PPP1R12A: variants seen among roughly 807,000 people sequenced by gnomAD.
The protein encoded by PPP1R12A is protein phosphatase 1 regulatory subunit 12A.
Under a neutral mutation model 139.6 loss-of-function variants are expected in PPP1R12A, and 19 were observed. That is an observed-to-expected ratio of 0.14 (90% CI 0.09 to 0.20). The LOEUF (loss-of-function observed/expected upper bound fraction) is 0.20. PPP1R12A is among the 10% of genes least tolerant of loss of function. PPP1R12A has a pLI of 1.00. For synonymous variants in PPP1R12A, 427 were observed against 420.6 expected, an observed-to-expected ratio of 1.02 and a Z score of -0.19; for missense variants, 925 against 1,211.5, an observed-to-expected ratio of 0.76 and a Z score of 3.51.
intron 9 of PPP1R12A, among the ~76,000 whole-genome samples, chr12:79,811,065 A>T (rs2694665): frequency 0.21 from 31,644 of 152,062 alleles, 5,883 homozygotes; most frequent in African/African-American, 0.49. Flanking sequence ...ACTTCTAGAA[A>T]TTCTATACTC....
intron 1 of PPP1R12A, among the ~76,000 whole-genome samples, chr12:79,925,020 C>T (rs1887724296): frequency 6.6e-6 from 1 of 151,834 alleles, no homozygotes; most frequent in South Asian, 2.1e-4. Flanking sequence ...GATGCATCTT[C>T]GAATGATATC....
chr12:79,793,762 T>G, intron 19 of PPP1R12A, 101 bp downstream of exon 19: 1 of 856,938 alleles, frequency 1.2e-6, no homozygotes, highest in South Asian at 1.6e-5. Flanking sequence ...AGGTAGAGTA[T>G]GCAATAACTG....
chr12:79,927,741 T>C (rs890267124), intron 1 of PPP1R12A, among the ~76,000 whole-genome samples: 4 of 152,238 alleles, frequency 2.6e-5, no homozygotes, highest in African/African-American at 9.6e-5. Context: ...AATTAAACTA[T>C]TGTTTGGAAA....
At chr12:79,861,784 T>C (rs1374078335) in intron 2 of PPP1R12A, among the ~76,000 whole-genome samples, 4 of 152,026 alleles carry the variant, frequency 2.6e-5, no homozygotes, top group Non-Finnish European at 4.4e-5. Context: ...CTTGAGTAGG[T>C]GGTTCTAGGC....
At chr12:79,913,601 T>G (rs200080293) in intron 1 of PPP1R12A, among the ~76,000 whole-genome samples, 2 of 152,316 alleles carry the variant, frequency 1.3e-5, no homozygotes, top group East Asian at 3.9e-4. Context: ...TTAATGTCCA[T>G]CAGAGTCGGT....
intron 2 of PPP1R12A, among the ~76,000 whole-genome samples, chr12:79,855,757 G>A (rs1335509262): frequency 6.6e-6 from 1 of 151,298 alleles, no homozygotes; most frequent in Non-Finnish European, 1.5e-5. Context: ...ACTACAAATA[G>A]CCTCCCATCA....
In PPP1R12A at chr12:79,896,971, A is replaced by G. The variant is rs777938105; in HGVS notation, c.238-24033T>C. ...CCTCGTTGAGGTGGAGATTAAGAGA[A>G]TAAGTTTCAAGAAGGCTTCCTAAAG... On this transcript the variant is annotated intron_variant, in intron 1 of 24. Transcript: ENST00000450142. Among the ~76,000 whole-genome samples the G allele has an allele frequency of 3.9e-5, 6 of 152,222 alleles. 1 individual carries two copies. Among genetic ancestry groups the G allele is most frequent in the Non-Finnish European group, 8.8e-5 (6 of 68,036 alleles).
intron 2 of PPP1R12A, among the ~76,000 whole-genome samples, chr12:79,860,370 T>C (rs923879552): frequency 1.8e-4 from 27 of 152,214 alleles, no homozygotes; most frequent in African/African-American, 6.5e-4. Context: ...CATTCATTGG[T>C]CAATTAAGAG....
At chr12:79,795,533 A>G in intron 18 of PPP1R12A, 105 bp downstream of exon 18, 1 of 1,178,644 alleles carries the variant, frequency 8.5e-7, no homozygotes, top group Non-Finnish European at 1.2e-6. Flanking sequence ...TGATTTAAGG[A>G]ATATGAAATC....
rs117555666 is a variant in PPP1R12A at position 79,840,126 on chromosome 12, G to A, written c.487+5176C>T. Among the ~76,000 whole-genome samples the A allele has an allele frequency of 3.2e-3, 487 of 152,270 alleles. 1 individual carries two copies. Among genetic ancestry groups the A allele is most frequent in the Admixed American group, 5.9e-3 (90 of 15,298 alleles). On this transcript the variant is annotated intron_variant, in intron 3 of 24. Transcript: ENST00000450142. Reference sequence around the variant, plus strand: ...GATATCTGTCTTACTGTTTAGGACAGACCTATAGCACTACCACTTCCTACC... The same window carrying A: ...GATATCTGTCTTACTGTTTAGGACAAACCTATAGCACTACCACTTCCTACC...
intron 3 of PPP1R12A, among the ~76,000 whole-genome samples, chr12:79,844,228 C>T (rs1879125736): frequency 6.6e-6 from 1 of 152,056 alleles, no homozygotes; most frequent in Non-Finnish European, 1.5e-5. Context: ...TAAATGAACA[C>T]CTCCCAAATT....
intron 5 of PPP1R12A, among the ~76,000 whole-genome samples, chr12:79,827,505 G>C (rs1427761122): frequency 6.6e-6 from 1 of 152,066 alleles, no homozygotes; most frequent in East Asian, 1.9e-4. Context: ...CCCACTAGAG[G>C]AGACGTGTTT....
At chr12:79,854,547 T>A (rs191070058) in intron 2 of PPP1R12A, among the ~76,000 whole-genome samples, 2 of 152,322 alleles carry the variant, frequency 1.3e-5, no homozygotes, top group East Asian at 3.9e-4. Context: ...GGCAGAATAG[T>A]GTAGTATCTA....
chr12:79,861,621 C>T lies in PPP1R12A; in HGVS notation c.368+11187G>A, dbSNP rs375091963. ...ATACTCCTGCCCAAATACTGCACTT[C>T]TCCCATGGTCTTTGCAACCAGCAGA... On this transcript the variant is annotated intron_variant, in intron 2 of 24. Transcript: ENST00000450142. 1.1e-4 allele frequency among the ~76,000 whole-genome samples: 17 copies of T among 152,308 alleles called. No homozygotes were observed. The East Asian group carries it at 2.7e-3, about 24-fold the overall frequency.
At chr12:79,814,249 G>A (rs1031706330) in intron 9 of PPP1R12A, among the ~76,000 whole-genome samples, 7 of 151,810 alleles carry the variant, frequency 4.6e-5, no homozygotes, top group South Asian at 2.1e-4. Flanking sequence ...AGGCTGAGGC[G>A]GGTGGATCAC....
intron 3 of PPP1R12A, among the ~76,000 whole-genome samples, chr12:79,840,787 T>C (rs1174967359): frequency 6.6e-6 from 1 of 152,198 alleles, no homozygotes; most frequent in Non-Finnish European, 1.5e-5. Flanking sequence ...CCATATATCC[T>C]ACATTCTATT....
chr12:79,825,396 G>C (rs541749436), intron 5 of PPP1R12A: 1 of 151,982 alleles, frequency 6.6e-6, no homozygotes, highest in African/African-American at 2.4e-5. Flanking sequence ...TTCTAGTAAA[G>C]CAATTATTTT....
chr12:79,800,111 C>T (rs184152360), intron 14 of PPP1R12A, among the ~76,000 whole-genome samples: 2 of 152,336 alleles, frequency 1.3e-5, no homozygotes, highest in East Asian at 3.9e-4. Flanking sequence ...GAAGTTCAAT[C>T]ATTAACGCTT....
At chr12:79,822,017 C>A in intron 6 of PPP1R12A, 99 bp downstream of exon 6, 2 of 888,452 alleles carry the variant, frequency 2.3e-6, no homozygotes, top group Non-Finnish European at 3.4e-6. Flanking sequence ...TAACTTAAAA[C>A]CAAAAAGTAC....
Sources: allele counts gnomAD v4.1 joint callset (sites outside exome capture counted in the v4.1 genomes callset), GRCh38; gene constraint gnomAD v4.1.1; transcripts MANE v1.5; gene names NCBI Gene and HGNC (gene_info 2026-07-23, HGNC 2026-07-21).